The following CDK7 variants were observed in gnomAD, a reference collection of about 807,000 sequenced individuals.
The protein encoded by CDK7 is cyclin dependent kinase 7, also known as cyclin-dependent kinase 7.
A neutral mutation model predicts 49.1 loss-of-function variants in CDK7; 25 were observed. The ratio of observed to expected loss-of-function variants is 0.51; its 90% CI spans 0.37 to 0.71. The LOEUF is 0.71. CDK7 is among the 30% of genes least tolerant of loss of function. CDK7 has a pLI of 0.00. For synonymous variants in CDK7, 107 were observed against 140.0 expected, an observed-to-expected ratio of 0.76 and a Z score of 1.67; for missense variants, 316 against 411.7, an observed-to-expected ratio of 0.77 and a Z score of 2.01.
At chr5:69,260,219 G>A (rs982511342) in intron 7 of CDK7, among the ~76,000 whole-genome samples, 8 of 152,062 alleles carry the variant, frequency 5.3e-5, no homozygotes, top group South Asian at 2.1e-4. Flanking sequence ...GCATGGTGGC[G>A]CACGCCTGTA....
chr5:69,259,609 G>A (rs776911320), intron 6 of CDK7, among the ~76,000 whole-genome samples: 1 of 152,108 alleles, frequency 6.6e-6, no homozygotes, highest in Admixed American at 6.6e-5. Context: ...TTATGGCTTA[G>A]TGAAATTAAG....
At chr5:69,263,321 C>A (rs908938462) in intron 8 of CDK7, among the ~76,000 whole-genome samples, 14 of 152,288 alleles carry the variant, frequency 9.2e-5, no homozygotes, top group African/African-American at 3.4e-4. Context: ...TAAAGAAATT[C>A]AAACCAAGAT....
chr5:69,236,765 T>C (rs945815184), intron 2 of CDK7, among the ~76,000 whole-genome samples: 5 of 151,630 alleles, frequency 3.3e-5, no homozygotes, highest in Non-Finnish European at 7.4e-5. Flanking sequence ...ACTTCTCCTG[T>C]CTCAGCCTCT....
At position 69,239,773 on chromosome 5, in the gene CDK7, A is replaced by G. The variant is rs184063439; in HGVS notation, c.126+4320A>G. ...ATGTGCTTTCCTGTTTCTGGATTAC[A>G]AAGAATTCTGTACTTGTAAAATTTT... On this transcript the variant is annotated intron_variant, in intron 2 of 11. Coordinates refer to ENST00000256443, the MANE Select transcript of CDK7 (RefSeq NM_001799.4). 1.3e-4 allele frequency among the ~76,000 whole-genome samples: 20 copies of G among 152,252 alleles called. 1 individual carries two copies. The East Asian group carries it at 3.7e-3, about 28-fold the overall frequency.
At chr5:69,255,166 T>C (rs1218216624) in intron 4 of CDK7, among the ~76,000 whole-genome samples, 1 of 152,236 alleles carries the variant, frequency 6.6e-6, no homozygotes, top group Non-Finnish European at 1.5e-5. Context: ...TTCTTTTGAA[T>C]TGGAGACTGG....
chr5:69,275,893 C>G (rs1217862257), intron 10 of CDK7, among the ~76,000 whole-genome samples: 1 of 152,134 alleles, frequency 6.6e-6, no homozygotes, highest in African/African-American at 2.4e-5. Flanking sequence ...TCTTGGCTTC[C>G]ATCCCCAAGG....
In CDK7 at chr5:69,261,623, C is replaced by G. The variant is rs543837968; in HGVS notation, c.528-582C>G. ...TCTGCTCACTGCAACCTCTGCCTCC[C>G]GGGTTCAAGCAATTCTCCTGCCTCA... On this transcript the variant is annotated intron_variant, in intron 7 of 11. Coordinates refer to ENST00000256443, the MANE Select transcript of CDK7 (RefSeq NM_001799.4). Among the ~76,000 whole-genome samples, 701 of 152,016 alleles carry G rather than the reference C, an allele frequency of 4.6e-3. 4 individuals are homozygous for G. The highest frequency in any genetic ancestry group is 0.016 in the African/African-American group (680 of 41,468).
chr5:69,243,573 C>T (rs1749520318), intron 2 of CDK7, among the ~76,000 whole-genome samples: 1 of 151,950 alleles, frequency 6.6e-6, no homozygotes, highest in Non-Finnish European at 1.5e-5. Flanking sequence ...AATGTGATTC[C>T]TCCCTTTTGT....
At chr5:69,256,051 C>G (rs978132519) in intron 5 of CDK7, 1 of 154,960 alleles carries the variant, frequency 6.5e-6, no homozygotes, top group African/African-American at 2.4e-5. Flanking sequence ...AACTCCTGAC[C>G]TCAAGTGATC....
chr5:69,245,279 C>T (rs1285834199), intron 2 of CDK7, among the ~76,000 whole-genome samples: 4 of 137,124 alleles, frequency 2.9e-5, no homozygotes, highest in African/African-American at 1.1e-4. Context: ...CCCGTCCTCC[C>T]TCCTTTTCCC....
intron 8 of CDK7, among the ~76,000 whole-genome samples, chr5:69,266,427 A>G (rs1166424806): frequency 6.6e-6 from 1 of 152,096 alleles, no homozygotes; most frequent in East Asian, 1.9e-4. Context: ...GGTCTCTACT[A>G]AAAATACAAA....
At chr5:69,273,123 A>G in intron 10 of CDK7, 82 bp downstream of exon 10, 1 of 1,035,886 alleles carries the variant, frequency 9.7e-7, no homozygotes, top group Middle Eastern at 2.4e-4. Flanking sequence ...ATTTCATAAA[A>G]TTAACATTTT....
chr5:69,266,750 T>C (rs934230116), intron 8 of CDK7, among the ~76,000 whole-genome samples: 1 of 151,516 alleles, frequency 6.6e-6, no homozygotes, highest in Non-Finnish European at 1.5e-5. Context: ...GGTTTAGTCA[T>C]ATAGAAATCG....
chr5:69,262,668 CAAAAA>C (rs35645434), intron 8 of CDK7, among the ~76,000 whole-genome samples: 4 of 113,590 alleles, frequency 3.5e-5, no homozygotes, highest in Non-Finnish European at 5.4e-5. Context: ...GGCTCCATCT[CAAAAA>C]AAAAAAAAAA....
In CDK7 at chr5:69,246,175, C is replaced by T. The variant is rs192450672; in HGVS notation, c.127-6243C>T. Among the ~76,000 whole-genome samples, 298 of 152,032 alleles carry T rather than the reference C, an allele frequency of 2.0e-3. 3 individuals carry two copies. Among genetic ancestry groups the T allele is most frequent in the African/African-American group, 7.0e-3 (292 of 41,456 alleles). ...TTTTTGAGATGGAGTCTCGCTCTGTCGCCAGGCTGGGAGTGCAGTGGCGCG... is the reference window on the plus strand; with the variant it reads ...TTTTTGAGATGGAGTCTCGCTCTGTTGCCAGGCTGGGAGTGCAGTGGCGCG... On this transcript the variant is annotated intron_variant, in intron 2 of 11. Coordinates refer to ENST00000256443, the MANE Select transcript of CDK7 (RefSeq NM_001799.4).
chr5:69,264,304 T>C (rs898536618), intron 8 of CDK7, among the ~76,000 whole-genome samples: 3 of 152,068 alleles, frequency 2.0e-5, no homozygotes, highest in Admixed American at 1.3e-4. Context: ...CTATTAAAAA[T>C]AGAAGATAGC....
At chr5:69,263,209 C>T (rs917219173) in intron 8 of CDK7, among the ~76,000 whole-genome samples, 6 of 152,196 alleles carry the variant, frequency 3.9e-5, no homozygotes, top group Admixed American at 6.6e-5. Flanking sequence ...CTAGCCCTTA[C>T]GAATGATGAA....
chr5:69,274,053 G>A (rs1751855660), intron 10 of CDK7, among the ~76,000 whole-genome samples: 1 of 152,156 alleles, frequency 6.6e-6, no homozygotes, highest in Non-Finnish European at 1.5e-5. Flanking sequence ...CAAGTAATTT[G>A]TTGCCTTTTC....
At chr5:69,252,189 G>A (rs1205697345) in intron 2 of CDK7, among the ~76,000 whole-genome samples, 1 of 152,114 alleles carries the variant, frequency 6.6e-6, no homozygotes, top group Admixed American at 6.5e-5. Flanking sequence ...ATTTGAATGT[G>A]TAGTTCAGAA....
Sources: allele counts gnomAD v4.1 joint callset (sites outside exome capture counted in the v4.1 genomes callset), GRCh38; gene constraint gnomAD v4.1.1; transcripts MANE v1.5; gene names NCBI Gene and HGNC (gene_info 2026-07-23, HGNC 2026-07-21).